DUS4L: variants seen among roughly 807,000 people sequenced by gnomAD.
DUS4L encodes the protein dihydrouridine synthase 4 like.
In DUS4L, 31 loss-of-function variants were observed where a neutral mutation model predicts 33.8. The observed-to-expected ratio is 0.92, with a 90% confidence interval of 0.69 to 1.24. The LOEUF (loss-of-function observed/expected upper bound fraction) is 1.24. Ranked by LOEUF, DUS4L falls within the 50% of genes most tolerant of loss-of-function variation. The probability of loss-of-function intolerance (pLI) is 0.00; values close to 1 mark genes in which losing one functional copy is unlikely to be tolerated. For synonymous variants in DUS4L, 103 were observed against 120.3 expected (o/e 0.86, Z 0.94); for missense variants, 368 against 388.6 (o/e 0.95, Z 0.45).
intron 5 of DUS4L, chr7:107,574,815 A>G: frequency 3.4e-6 from 1 of 293,804 alleles, no homozygotes; most frequent in Non-Finnish European, 6.4e-6. Flanking sequence ...GCTGTAAGCC[A>G]AAAATATCTT....
rs370636116 is a variant in DUS4L, at chr7:107,573,020, GA to G, written c.239-682del. On this transcript the variant is annotated intron_variant, in intron 4 of 7. Coordinates refer to ENST00000265720, the MANE Select transcript of DUS4L (RefSeq NM_181581.3). Reference sequence around the variant, plus strand: ...AAAATTATATACAGAAAAATGCAAAGAATATGAAGAGAGCTCACAAATTAGA... The same window carrying G: ...AAAATTATATACAGAAAAATGCAAAGATATGAAGAGAGCTCACAAATTAGA... Among the ~76,000 whole-genome samples the G allele has an allele frequency of 3.5e-4, 53 of 152,014 alleles. 1 individual carries two copies. Among genetic ancestry groups the G allele is most frequent in the African/African-American group, 1.2e-3 (49 of 41,488 alleles).
rs1407578096 is a variant in DUS4L, at chr7:107,574,458, C to T, written c.356+637C>T. On this transcript the variant is annotated intron_variant, in intron 5 of 7. Coordinates refer to ENST00000265720, the MANE Select transcript of DUS4L (RefSeq NM_181581.3). ...GGTTCAAGCGATTCTCCTGCCTCAG[C>T]CTCCTGAGTAGCTGGGATTACAGCC... is the stretch of plus-strand genomic sequence containing the variant. Among the ~76,000 whole-genome samples the T allele has an allele frequency of 3.3e-5, 5 of 151,564 alleles. No individual in the cohort carries two copies. The East Asian group carries it at 7.8e-4, about 24-fold the overall frequency.
rs1805494488 is a variant in DUS4L, at chr7:107,573,880, CA to C, written c.356+60del. The C allele has an allele frequency of 4.9e-6, 7 of 1,416,408 alleles. No homozygotes were observed. In the Admixed American group the frequency reaches 1.9e-4, roughly 38 times the overall value. The allele number at this position is 1,416,408 out of a possible 1,614,324, so 87.7% of individuals were successfully genotyped here. ...AAGAGTAGAAAAAAAACTGTGTGAA[CA>C]TGGTAAAATATCTTTCTAGTTTTCC... On this transcript the variant is annotated intron_variant, in intron 5 of 7. Coordinates refer to ENST00000265720, the MANE Select transcript of DUS4L (RefSeq NM_181581.3).
chr7:107,577,240 T>C (rs1805833289), intron 7 of DUS4L, 73 bp from the exon 8 acceptor site: 3 of 1,569,898 alleles, frequency 1.9e-6, no homozygotes. Context: ...ATATACTGTT[T>C]GCTTCATTGA....
intron 4 of DUS4L, 39 bp downstream of exon 4, chr7:107,571,305 T>A (rs772358426): frequency 4.4e-6 from 7 of 1,577,570 alleles, no homozygotes; most frequent in Non-Finnish European, 5.1e-6. Context: ...TAAAACTTTT[T>A]AAATTTGTTT....
Position 107,573,762 on chromosome 7 carries a change from T to G in DUS4L, c.297T>G (p.Ala99=). The change falls in exon 5 of 8, where the codon GCT becomes GCG. Residue 99 remains alanine, a synonymous_variant. Transcript: ENST00000265720. ...AANDARLLSD[A]ARIVCPYANG... ...ACGATGCAAGACTTTTATCTGATGC[T>G]GCTCGTATAGTCTGTCCTTATGCGA... 1 of 1,611,064 alleles carries G rather than the reference T, an allele frequency of 6.2e-7. No homozygotes were observed. The highest frequency in any genetic ancestry group is 1.1e-5 in the South Asian group (1 of 90,442).
In DUS4L at chr7:107,578,175, ATATCT is replaced by A. The variant is rs1464893672; in HGVS notation, c.*618_*622del. ...AAGATAAAATTAATTGCAATCTACC[ATATCT>A]TAAGTATAGGAAATTTGGTGTCCAA... On this transcript the variant is annotated 3_prime_UTR_variant, in exon 8 of 8. Transcript: ENST00000265720. 6.6e-6 allele frequency: 1 copy of A among 152,218 alleles called. No individual in the cohort carries two copies. The highest frequency in any genetic ancestry group is 2.4e-5 in the African/African-American group (1 of 41,462). 9.4% of individuals were successfully genotyped at this position (152,218 alleles called of 1,614,324 possible). A position where few individuals can be genotyped will look rare whatever the true frequency, so the allele number is the denominator to read the frequency against.
At chr7:107,567,230 T>G (rs1257122017) in intron 3 of DUS4L, 44 bp downstream of exon 3, 1 of 1,557,496 alleles carries the variant, frequency 6.4e-7, no homozygotes, top group Non-Finnish European at 8.8e-7. Flanking sequence ...GAAATTTCCC[T>G]TTTATGCTCT....
Position 107,575,695 on chromosome 7 carries a change from CAT to C in DUS4L, c.479+388_479+389del, listed in dbSNP as rs1805659275. 2.4e-5 allele frequency: 4 copies of C among 169,240 alleles called. No individual in the cohort carries two copies. In the South Asian group the frequency reaches 4.3e-4, roughly 18 times the overall value. 10.5% of individuals were successfully genotyped at this position (169,240 alleles called of 1,614,324 possible). ...CAGTTTTTCCGTGACAGGTTGAAAA[CAT>C]ATTTCTTTTTTTGAGACAGAGTCTC... On this transcript the variant is annotated intron_variant, in intron 6 of 7. Coordinates refer to ENST00000265720, the MANE Select transcript of DUS4L (RefSeq NM_181581.3).
rs1231998966 is a variant in DUS4L, at chr7:107,576,446, G to A, written c.560G>A (p.Gly187Glu). The change falls in exon 7 of 8, where the codon GGA (glycine) becomes GAA (glutamate). Residue 187 changes from glycine (G) to glutamate (E), a missense_variant. By Grantham distance (98) the Gly-to-Glu change is moderately conservative. Coordinates refer to ENST00000265720, the MANE Select transcript of DUS4L (RefSeq NM_181581.3). ...ATGVSWITVH[G>E]RTAEERHQPV... The stretch of plus-strand genomic sequence containing the variant: ...GGAGTTTCATGGATTACAGTCCATG[G>A]AAGAACTGCTGAAGAAAGACATCAG... 3.1e-6 allele frequency: 5 copies of A among 1,612,946 alleles called. No individual in the cohort carries two copies. The highest frequency in any genetic ancestry group is 3.4e-6 in the Non-Finnish European group (4 of 1,179,796).
At position 107,577,446 on chromosome 7, in the gene DUS4L, A is replaced by C. The variant is rs748563192; in HGVS notation, c.840A>C (p.Gln280His). The C allele has an allele frequency of 2.5e-6, 4 of 1,614,176 alleles. No homozygotes were observed. The highest frequency in any genetic ancestry group is 3.4e-6 in the Non-Finnish European group (4 of 1,180,022). ...ELGTPYMCFH[Q>H]HLMYMMEKIT... ...GGACTCCTTACATGTGTTTCCATCA[A>C]CATTTAATGTACATGATGGAAAAGA... Residue 280 changes from glutamine (Q) to histidine (H), a missense_variant, in exon 8 of 8, where the codon CAA (glutamine) becomes CAC (histidine). Physicochemically the swap from Gln to His is conservative, Grantham distance 24. Coordinates refer to ENST00000265720, the MANE Select transcript of DUS4L (RefSeq NM_181581.3).
chr7:107,572,303 A>AAAG (rs1319162388), intron 4 of DUS4L, among the ~76,000 whole-genome samples: 1 of 152,182 alleles, frequency 6.6e-6, no homozygotes, highest in African/African-American at 2.4e-5. Flanking sequence ...ACATCTCCAT[A>AAAG]AAGAATAAAG....
At chr7:107,575,417 G>T in intron 6 of DUS4L, 107 bp downstream of exon 6, 1 of 1,228,092 alleles carries the variant, frequency 8.1e-7, no homozygotes, top group African/African-American at 1.6e-5. Flanking sequence ...AAATAAATTG[G>T]TAGCTGGTGT....
Position 107,567,158 on chromosome 7 carries a change from G to C in DUS4L, c.88G>C (p.Val30Leu), listed in dbSNP as rs1437358955. Residue 30 changes from valine (V) to leucine (L), a missense_variant, in exon 3 of 8, where the codon GTC becomes CTC. Transcript: ENST00000265720. ...GTTTCATTCTGGACAGCTGGTAAAA[G>C]TCTGTGCCCCAATGGTTCGATATTC... ...EMFHSGQLVK[V>L]CAPMVRYSKL... The C allele has an allele frequency of 6.2e-7, 1 of 1,613,458 alleles. No homozygotes were observed. The highest frequency in any genetic ancestry group is 1.1e-5 in the South Asian group (1 of 91,016).
intron 3 of DUS4L, chr7:107,567,746 T>C (rs1421888599): frequency 4.4e-6 from 2 of 452,432 alleles, no homozygotes; most frequent in Admixed American, 4.8e-5. Flanking sequence ...AAAACTCTTT[T>C]CATCTTAGAA....
At position 107,564,060 on chromosome 7, in the gene DUS4L, G is replaced by C. The variant is rs1489688132; in HGVS notation, c.-260G>C. On this transcript the variant is annotated 5_prime_UTR_variant, in exon 1 of 8. Coordinates refer to ENST00000265720, the MANE Select transcript of DUS4L (RefSeq NM_181581.3). ...CTAAGCCTGGCTAGGAGCCGCGCAG[G>C]TACTCGAGCAGTGGGCGCCCAGGGT... 2.0e-5 allele frequency: 30 copies of C among 1,503,076 alleles called. No homozygotes were observed. The highest frequency in any genetic ancestry group is 2.6e-5 in the Non-Finnish European group (29 of 1,117,294). 93.1% of individuals were successfully genotyped at this position (1,503,076 alleles called of 1,614,324 possible).
intron 5 of DUS4L, 98 bp downstream of exon 5, chr7:107,573,919 G>A: frequency 7.3e-7 from 1 of 1,374,930 alleles, no homozygotes; most frequent in African/African-American, 1.5e-5. Flanking sequence ...AAATTAAAAA[G>A]AAAATAGAGT....
In DUS4L at chr7:107,576,626, G is replaced by C. The variant is rs766404687; in HGVS notation, c.706+34G>C. ...TAAGTACTTGGGTTCTTTTAATTGG[G>C]GGGGGAAGAAATGAGAGTGGGGAAG... On this transcript the variant is annotated intron_variant, in intron 7 of 7. Coordinates refer to ENST00000265720, the MANE Select transcript of DUS4L (RefSeq NM_181581.3). 44 of 1,530,216 alleles carry C rather than the reference G, an allele frequency of 2.9e-5. No individual in the cohort carries two copies. The African/African-American group carries it at 3.2e-4, about 11-fold the overall frequency. The allele number at this position is 1,530,216 out of a possible 1,614,324, so 94.8% of individuals were successfully genotyped here. A position where few individuals can be genotyped will look rare whatever the true frequency, so the allele number is the denominator to read the frequency against.
rs1450506642 is a variant in DUS4L at position 107,571,256 on chromosome 7, C to G, written c.228C>G (p.Thr76=). The G allele has an allele frequency of 8.1e-6, 13 of 1,608,856 alleles. No individual in the cohort carries two copies. The highest frequency in any genetic ancestry group is 1.1e-5 in the Non-Finnish European group (13 of 1,178,674). Residue 76 remains threonine (T), a synonymous_variant, in exon 4 of 8, where the codon ACC becomes ACG. Transcript: ENST00000265720. ...KSIKARDSEF[T]TNQGDCPLIV... ...TAAAAGCCAGAGACAGCGAATTTACCACAAATCAAGGTATGTGAAACCGAG... is the reference window on the plus strand; with the variant it reads ...TAAAAGCCAGAGACAGCGAATTTACGACAAATCAAGGTATGTGAAACCGAG...
Sources: allele counts gnomAD v4.1 joint callset (sites outside exome capture counted in the v4.1 genomes callset), GRCh38; gene constraint gnomAD v4.1.1; transcripts MANE v1.5; gene names NCBI Gene and HGNC (gene_info 2026-07-23, HGNC 2026-07-21).